ABCD3: variants seen among roughly 807,000 people sequenced by gnomAD.
The protein encoded by ABCD3 is ATP binding cassette subfamily D member 3.
In ABCD3, 41 loss-of-function variants were observed where a neutral mutation model predicts 105.5. The observed-to-expected ratio is 0.39, with a 90% confidence interval of 0.30 to 0.50. The LOEUF (loss-of-function observed/expected upper bound fraction) is 0.50, where lower values mean the gene tolerates loss of function less well. ABCD3 is among the 20% of genes least tolerant of loss of function. The pLI is 0.84. For missense variants in ABCD3, 622 were observed against 806.3 expected (o/e 0.77, Z 2.77); for synonymous variants, 258 against 269.0 (o/e 0.96, Z 0.40).
At chr1:94,433,364 G>A (rs1659764164) in intron 1 of ABCD3, among the ~76,000 whole-genome samples, 1 of 151,756 alleles carries the variant, frequency 6.6e-6, no homozygotes, top group Admixed American at 6.6e-5. Flanking sequence ...ATTTTGGCTA[G>A]GCTGGTCTGA....
chr1:94,489,250 G>A (rs1055140616), intron 13 of ABCD3, among the ~76,000 whole-genome samples: 1 of 151,954 alleles, frequency 6.6e-6, no homozygotes, highest in Non-Finnish European at 1.5e-5. Flanking sequence ...TAAGAAAGAG[G>A]GAATCTTTCA....
the ABCD3 span, among the ~76,000 whole-genome samples, chr1:94,402,434 A>G: frequency 1.3e-5 from 2 of 152,120 alleles, no homozygotes; most frequent in Non-Finnish European, 2.9e-5. Context: ...TGTGCTCTTT[A>G]TGTATGTGTG....
At chr1:94,482,925 A>G in intron 9 of ABCD3, 1 of 486,460 alleles carries the variant, frequency 2.1e-6, no homozygotes, top group Non-Finnish European at 3.7e-6. Context: ...TTTTGCAGCC[A>G]GGATACCTAT....
At chr1:94,485,589 G>A (rs562597647) in intron 10 of ABCD3, among the ~76,000 whole-genome samples, 17 of 152,202 alleles carry the variant, frequency 1.1e-4, no homozygotes, top group African/African-American at 4.1e-4. Context: ...CAGCCCAAAT[G>A]TTAACACCTT....
At chr1:94,401,347 C>G in the ABCD3 span, among the ~76,000 whole-genome samples, 1 of 152,206 alleles carries the variant, frequency 6.6e-6, no homozygotes, top group African/African-American at 2.4e-5. Flanking sequence ...CGGAATGGTG[C>G]CCAAACATGC....
At chr1:94,490,978 C>T (rs1193441094) in intron 15 of ABCD3, among the ~76,000 whole-genome samples, 1 of 152,060 alleles carries the variant, frequency 6.6e-6, no homozygotes, top group East Asian at 1.9e-4. Context: ...GGTGATGTCT[C>T]ATTGTGGTTT....
chr1:94,398,878 C>T, the ABCD3 span, among the ~76,000 whole-genome samples: 2 of 152,092 alleles, frequency 1.3e-5, no homozygotes, highest in African/African-American at 2.4e-5. Context: ...CATGCCATTG[C>T]ACTCCAGCCC....
intron 1 of ABCD3, among the ~76,000 whole-genome samples, chr1:94,419,115 C>T (rs1422837326): frequency 6.6e-6 from 1 of 152,174 alleles, no homozygotes; most frequent in East Asian, 1.9e-4. Flanking sequence ...TATTGAAAGT[C>T]GCGAGGGTGG....
intron 10 of ABCD3, among the ~76,000 whole-genome samples, chr1:94,483,778 C>A (rs1019513930): frequency 2.6e-5 from 4 of 152,094 alleles, no homozygotes; most frequent in Non-Finnish European, 5.9e-5. Context: ...GCAACAAAAG[C>A]CAAAATTGAC....
chr1:94,459,927 G>GT (rs1212812495), intron 2 of ABCD3, among the ~76,000 whole-genome samples: 2 of 152,130 alleles, frequency 1.3e-5, no homozygotes, highest in Non-Finnish European at 2.9e-5. Flanking sequence ...TCATGTTGTT[G>GT]TATCAGTATT....
rs559371790 is a variant in ABCD3 at position 94,449,397 on chromosome 1, GC to G, written c.111-9209del. ...GAGTAATTTGATGGTACCTATGATA[GC>G]AGTGATTACCATTGCCGTGAGTATT... On this transcript the variant is annotated intron_variant, in intron 1 of 22. Transcript: ENST00000370214. Among the ~76,000 whole-genome samples the G allele has an allele frequency of 2.6e-3, 391 of 152,336 alleles. 3 individuals carry two copies. Among genetic ancestry groups the G allele is most frequent in the African/African-American group, 9.1e-3 (378 of 41,576 alleles).
At chr1:94,511,238 C>T (rs1158858917) in intron 21 of ABCD3, among the ~76,000 whole-genome samples, 2 of 151,936 alleles carry the variant, frequency 1.3e-5, no homozygotes, top group Admixed American at 1.3e-4. Flanking sequence ...TTTTATTTCT[C>T]CTTTACTTAT....
At chr1:94,478,530 G>A in intron 8 of ABCD3, 1 of 1,595,284 alleles carries the variant, frequency 6.3e-7, no homozygotes, top group Non-Finnish European at 8.6e-7. Context: ...TTAGGTACTT[G>A]GAAAAATTTT....
intron 16 of ABCD3, among the ~76,000 whole-genome samples, chr1:94,496,071 C>A (rs1320612576): frequency 6.6e-6 from 1 of 151,972 alleles, no homozygotes; most frequent in African/African-American, 2.4e-5. Flanking sequence ...ATTCTTTTTT[C>A]TTTAAGAAGT....
intron 10 of ABCD3, 105 bp downstream of exon 10, chr1:94,483,344 T>A: frequency 1.3e-6 from 1 of 790,570 alleles, no homozygotes; most frequent in Non-Finnish European, 2.2e-6. Context: ...AACACACACG[T>A]ATGTATACAT....
chr1:94,511,131 A>G (rs977354825), intron 21 of ABCD3, among the ~76,000 whole-genome samples: 62 of 151,758 alleles, frequency 4.1e-4, no homozygotes, highest in Non-Finnish European at 8.2e-4. Context: ...GGCTGGTACC[A>G]GTTGTTCCTT....
chr1:94,453,404 C>T (rs11585880), intron 1 of ABCD3, among the ~76,000 whole-genome samples: 53,690 of 150,392 alleles, frequency 0.36, 11,250 homozygotes, highest in Middle Eastern at 0.55. Flanking sequence ...CTGCAGGCTC[C>T]GCCTCCCGGG....
intron 1 of ABCD3, among the ~76,000 whole-genome samples, chr1:94,453,690 A>T (rs1461916860): frequency 3.3e-5 from 5 of 151,708 alleles, no homozygotes; most frequent in Non-Finnish European, 5.9e-5. Context: ...GAGTTGAGAT[A>T]AGAAGTCTTT....
intron 17 of ABCD3, 22 bp from the exon 18 acceptor site, chr1:94,498,761 C>T (rs754369469): frequency 5.0e-6 from 8 of 1,613,330 alleles, no homozygotes; most frequent in Non-Finnish European, 6.8e-6. Context: ...AATTGTTCTT[C>T]TCCCTTCTCT....
Sources: gnomAD v4.1 joint callset for allele counts (sites outside exome capture counted in the v4.1 genomes callset) on GRCh38, gnomAD v4.1.1 for gene constraint, MANE v1.5 for transcripts, NCBI Gene and HGNC (gene_info 2026-07-23, HGNC 2026-07-21) for gene names.